HCN1: variants seen among roughly 807,000 people sequenced by gnomAD.
HCN1 encodes potassium/sodium hyperpolarization-activated cyclic nucleotide-gated channel 1.
A neutral mutation model predicts 78.9 loss-of-function variants in HCN1; 13 were observed. That is an observed-to-expected ratio of 0.16 (90% confidence interval 0.11 to 0.26). HCN1 has a LOEUF of 0.26. HCN1 is among the 10% of genes least tolerant of loss of function. The pLI is 1.00. For synonymous variants in HCN1, 552 were observed against 455.5 expected (o/e 1.21, Z -2.70); for missense variants, 810 against 1,154.3 (o/e 0.70, Z 4.32).
At chr5:45,362,154 TTGTGTGTGTGTGTGTGTGTG>T (rs200176463) in intron 4 of HCN1, among the ~76,000 whole-genome samples, 2 of 142,562 alleles carry the variant, frequency 1.4e-5, no homozygotes, top group Admixed American at 7.0e-5. Flanking sequence ...GTGTGTGTGT[TTGTGTGTGTGTGTGTGTGTG>T]TGTGTGTGTG....
At chr5:45,327,377 C>CT (rs1170982008) in intron 5 of HCN1, among the ~76,000 whole-genome samples, 1 of 151,552 alleles carries the variant, frequency 6.6e-6, no homozygotes. Flanking sequence ...TTGGTAAAAA[C>CT]TTTTTTCAAA....
intron 4 of HCN1, among the ~76,000 whole-genome samples, chr5:45,378,666 A>G (rs1007036605): frequency 2.0e-4 from 31 of 152,134 alleles, no homozygotes; most frequent in African/African-American, 7.0e-4. Context: ...GTACATGTGC[A>G]CAACGTGCAG....
In HCN1 at chr5:45,299,424, T is replaced by A. The variant is rs563980590; in HGVS notation, c.1618+4175A>T. On this transcript the variant is annotated intron_variant, in intron 6 of 7. Transcript: ENST00000303230. ...CAATATCTTCATCTCTCGCTCTCTG[T>A]CTCTATAACTATTTTTAATTTAAAA... Among the ~76,000 whole-genome samples the A allele has an allele frequency of 2.6e-5, 4 of 152,132 alleles. No homozygotes were observed. The South Asian group carries it at 8.3e-4, about 31-fold the overall frequency.
rs1242749318 is a variant in HCN1 at position 45,539,564 on chromosome 5, C to T, written c.850-77557G>A. Among the ~76,000 whole-genome samples, 4 of 150,804 alleles carry T rather than the reference C, an allele frequency of 2.7e-5. No homozygotes were observed. In the South Asian group the frequency reaches 8.3e-4, roughly 31 times the overall value. ...CCTGTAATCCCAGCCACTCGGGAGG[C>T]TGAGGTAGGAGAATGGCGTGAACCC... On this transcript the variant is annotated intron_variant, in intron 2 of 7. Transcript: ENST00000303230.
intron 4 of HCN1, among the ~76,000 whole-genome samples, chr5:45,370,869 T>C (rs1014412582): frequency 7.2e-5 from 11 of 152,110 alleles, no homozygotes; most frequent in Admixed American, 3.9e-4. Flanking sequence ...ATAGTGATGA[T>C]GGAGCTAAAT....
chr5:45,521,386 G>A (rs1196291993), intron 2 of HCN1, among the ~76,000 whole-genome samples: 1 of 151,926 alleles, frequency 6.6e-6, no homozygotes, highest in Non-Finnish European at 1.5e-5. Flanking sequence ...TCACAGTTCT[G>A]GAGGCTAGTA....
chr5:45,339,101 T>G (rs1263777067), intron 5 of HCN1, among the ~76,000 whole-genome samples: 2 of 152,190 alleles, frequency 1.3e-5, no homozygotes, highest in African/African-American at 2.4e-5. Flanking sequence ...CTCATTTTAT[T>G]AAGCAGTCAT....
At position 45,405,604 on chromosome 5, in the gene HCN1, T is replaced by G. The variant is rs1042663742; in HGVS notation, c.1012-8894A>C. Among the ~76,000 whole-genome samples the G allele has an allele frequency of 2.0e-5, 3 of 152,058 alleles. No homozygotes were observed. In the East Asian group the frequency reaches 5.8e-4, roughly 29 times the overall value. On this transcript the variant is annotated intron_variant, in intron 3 of 7. Transcript: ENST00000303230. ...TAAAATTTTTATAGAGATAAGGTCT[T>G]GCTATGTTGCTGAAGCTGGTTTCAA...
Position 45,371,525 on chromosome 5 carries a change from G to A in HCN1, c.1231-18279C>T, listed in dbSNP as rs138536517. 2.7e-3 allele frequency among the ~76,000 whole-genome samples: 417 copies of A among 151,776 alleles called. 1 individual carries two copies. Among genetic ancestry groups the A allele is most frequent in the African/African-American group, 9.1e-3 (376 of 41,440 alleles). On this transcript the variant is annotated intron_variant, in intron 4 of 7. Coordinates refer to ENST00000303230, the MANE Select transcript of HCN1 (RefSeq NM_021072.4). The stretch of plus-strand genomic sequence containing the variant: ...TGTAATCCCAGCACTTTGGGAAGCC[G>A]AGGTGGACAGATCACGAGGTCAGGA...
chr5:45,565,325 C>G (rs1579972448), intron 2 of HCN1, among the ~76,000 whole-genome samples: 1 of 152,140 alleles, frequency 6.6e-6, no homozygotes, highest in African/African-American at 2.4e-5. Flanking sequence ...ATAGCAGGCT[C>G]AACTCACCCT....
chr5:45,469,919 C>T (rs1225272956), intron 2 of HCN1, among the ~76,000 whole-genome samples: 4 of 151,872 alleles, frequency 2.6e-5, no homozygotes, highest in African/African-American at 9.7e-5. Flanking sequence ...GTGAGCCTTA[C>T]ATTGGGGCAA....
At chr5:45,564,181 TC>T (rs1489638757) in intron 2 of HCN1, among the ~76,000 whole-genome samples, 2 of 152,054 alleles carry the variant, frequency 1.3e-5, no homozygotes, top group Non-Finnish European at 2.9e-5. Flanking sequence ...ATTAATCCCA[TC>T]CTGATACCTC....
intron 2 of HCN1, among the ~76,000 whole-genome samples, chr5:45,535,567 C>T (rs1742950024): frequency 6.6e-6 from 1 of 151,864 alleles, no homozygotes; most frequent in Non-Finnish European, 1.5e-5. Flanking sequence ...CACTGCCCTC[C>T]AGCCTAGGGA....
chr5:45,514,363 C>A (rs1393165868), intron 2 of HCN1, among the ~76,000 whole-genome samples: 1 of 152,038 alleles, frequency 6.6e-6, no homozygotes, highest in African/African-American at 2.4e-5. Context: ...CCTCCAAAGC[C>A]GTCTCTTCCA....
intron 2 of HCN1, among the ~76,000 whole-genome samples, chr5:45,494,604 A>G (rs1341591908): frequency 1.3e-5 from 2 of 151,842 alleles, no homozygotes; most frequent in South Asian, 2.1e-4. Flanking sequence ...CTTGAGTTTA[A>G]TTAGATCCCA....
chr5:45,312,833 T>C (rs1455823845), intron 5 of HCN1, among the ~76,000 whole-genome samples: 1 of 152,140 alleles, frequency 6.6e-6, no homozygotes, highest in African/African-American at 2.4e-5. Flanking sequence ...GCGCCCACCA[T>C]TGCTGAGGCT....
chr5:45,493,251 T>C (rs953227648), intron 2 of HCN1, among the ~76,000 whole-genome samples: 1 of 151,990 alleles, frequency 6.6e-6, no homozygotes, highest in Admixed American at 6.6e-5. Flanking sequence ...TATAGATATA[T>C]ATATTCACAA....
intron 5 of HCN1, among the ~76,000 whole-genome samples, chr5:45,334,045 A>G (rs1746401422): frequency 6.6e-6 from 1 of 151,694 alleles, no homozygotes; most frequent in Non-Finnish European, 1.5e-5. Context: ...TTTGAGTTCT[A>G]TTACTTACCT....
chr5:45,537,132 G>T (rs1042844419), intron 2 of HCN1, among the ~76,000 whole-genome samples: 1 of 152,130 alleles, frequency 6.6e-6, no homozygotes, highest in African/African-American at 2.4e-5. Flanking sequence ...TGGTAATGCT[G>T]CAGCTTTCTG....
Sources: gnomAD v4.1 joint callset for allele counts (sites outside exome capture counted in the v4.1 genomes callset) on GRCh38, gnomAD v4.1.1 for gene constraint, MANE v1.5 for transcripts, NCBI Gene and HGNC (gene_info 2026-07-23, HGNC 2026-07-21) for gene names.